SH3BP4: variants seen among roughly 807,000 people sequenced by gnomAD.
SH3BP4 encodes the protein SH3 domain binding protein 4.
A neutral mutation model predicts 65.5 loss-of-function variants in SH3BP4; 33 were observed. The observed-to-expected ratio is 0.50, with a 90% CI of 0.38 to 0.67. The LOEUF is 0.67. Ranked by LOEUF, SH3BP4 falls within the 30% of genes least tolerant of loss-of-function variation. The pLI is 0.00. For synonymous variants in SH3BP4, 552 were observed against 545.5 expected, an observed-to-expected ratio of 1.01 and a Z score of -0.17; for missense variants, 1,134 against 1,261.4, an observed-to-expected ratio of 0.90 and a Z score of 1.53.
Position 235,045,604 on chromosome 2 carries a change from A to G in SH3BP4, c.2478+2357A>G, listed in dbSNP as rs573395721. The stretch of plus-strand genomic sequence containing the variant: ...GGTGATAAAGTGAAACTGGTTTTGC[A>G]GTGTCCCCACCCGCCCCCCACACCT... On this transcript the variant is annotated intron_variant, in intron 4 of 5. Transcript: ENST00000392011. The surrounding 1 kb of genome is among the most constrained non-coding windows in gnomAD (Gnocchi z 4.3). 5.3e-5 allele frequency among the ~76,000 whole-genome samples: 8 copies of G among 152,164 alleles called. No individual in the cohort carries two copies. The highest frequency in any genetic ancestry group is 2.1e-4 in the South Asian group (1 of 4,808).
At chr2:235,038,376 CATATATATATATATATATATAT>C (rs1177080438) in intron 3 of SH3BP4, among the ~76,000 whole-genome samples, 1 of 12,362 alleles carries the variant, frequency 8.1e-5, no homozygotes, top group Non-Finnish European at 1.5e-4. Flanking sequence ...AATATATATA[CATATATATATATATATATATAT>C]ATATATATAT....
Position 235,042,966 on chromosome 2 carries a change from C to T in SH3BP4, c.2197C>T (p.Pro733Ser), listed in dbSNP as rs1428763253. 16 of 1,612,894 alleles carry T rather than the reference C, an allele frequency of 9.9e-6. No homozygotes were observed. The highest frequency in any genetic ancestry group is 1.3e-5 in the African/African-American group (1 of 75,036). The change falls in exon 4 of 6, where the codon CCC becomes TCC. Residue 733 changes from proline to serine, a missense_variant. Coordinates refer to ENST00000392011, the MANE Select transcript of SH3BP4 (RefSeq NM_014521.3). This position sits in a 1 kb window ranked among gnomAD's most constrained non-coding sequence, Gnocchi z 7.3. The stretch of plus-strand genomic sequence containing the variant: ...GGCCCGGCCCAGCCTGTGCTCGGGC[C>T]CCGAGCTGAGCACCTCGGTGCTGCT... Reference protein sequence around the residue: ...GRARPSLCSGPELSTSVLLEQ... With the variant: ...GRARPSLCSGSELSTSVLLEQ...
At chr2:235,048,917 T>C (rs867193455) in intron 4 of SH3BP4, among the ~76,000 whole-genome samples, 16 of 152,182 alleles carry the variant, frequency 1.1e-4, no homozygotes, top group Admixed American at 9.8e-4. Flanking sequence ...TGTGTGCCCA[T>C]AAAAAGAGGA....
intron 1 of SH3BP4, among the ~76,000 whole-genome samples, chr2:234,955,447 C>T (rs186216006): frequency 3.3e-5 from 5 of 152,218 alleles, no homozygotes; most frequent in Non-Finnish European, 5.9e-5. Context: ...TCCAGGAAGC[C>T]GAAACCAGCT....
chr2:234,960,998 G>T (rs1044996078), intron 1 of SH3BP4, among the ~76,000 whole-genome samples: 3 of 152,190 alleles, frequency 2.0e-5, no homozygotes, highest in African/African-American at 7.2e-5. Context: ...ATGGCTCTTT[G>T]TTGGGACCTG....
intron 1 of SH3BP4, among the ~76,000 whole-genome samples, chr2:234,970,799 T>C (rs1216045666): frequency 2.6e-5 from 4 of 152,146 alleles, no homozygotes; most frequent in Non-Finnish European, 1.5e-5. Flanking sequence ...GCGCTGGGGA[T>C]CAGGATCACT....
chr2:235,014,487 C>A (rs1694625389), intron 2 of SH3BP4, among the ~76,000 whole-genome samples: 1 of 152,170 alleles, frequency 6.6e-6, no homozygotes, highest in Non-Finnish European at 1.5e-5. Flanking sequence ...TGTTTGTTTC[C>A]TGGGGCCACC....
intron 2 of SH3BP4, among the ~76,000 whole-genome samples, chr2:235,002,533 C>T (rs774262013): frequency 2.6e-5 from 4 of 152,124 alleles, no homozygotes; most frequent in Non-Finnish European, 5.9e-5. Flanking sequence ...CAAGTCCAGC[C>T]TGGGCAACAT....
In SH3BP4 at chr2:235,032,279, C is replaced by T. The variant is rs561838727; in HGVS notation, c.-132-2592C>T. 7.9e-5 allele frequency among the ~76,000 whole-genome samples: 12 copies of T among 152,306 alleles called. No homozygotes were observed. The South Asian group carries it at 1.0e-3, about 13-fold the overall frequency. ...ACACCCCCTGATTTTTCCTCCTCCT[C>T]GGGTGCAGTCAGATGGAGACTCTCA... On this transcript the variant is annotated intron_variant, in intron 2 of 5. Transcript: ENST00000392011.
rs1313676908 is a variant in SH3BP4 at position 235,035,142 on chromosome 2, CTG to C, written c.118+25_118+26del. 6.4e-7 allele frequency: 1 copy of C among 1,558,342 alleles called. No individual in the cohort carries two copies. The highest frequency in any genetic ancestry group is 1.7e-5 in the Admixed American group (1 of 59,884). On this transcript the variant is annotated intron_variant, in intron 3 of 5. Transcript: ENST00000392011. The surrounding 1 kb of genome is among the most constrained non-coding windows in gnomAD (Gnocchi z 5.0). ...AAAGGTGAGCTTCTGGGGAACAGGA[CTG>C]TGGCTAAGGGAGAACGTTGGGATTT... is the stretch of plus-strand genomic sequence containing the variant.
intron 2 of SH3BP4, among the ~76,000 whole-genome samples, chr2:235,018,851 A>T (rs1694765540): frequency 6.6e-6 from 1 of 152,222 alleles, no homozygotes; most frequent in African/African-American, 2.4e-5. Context: ...AGACCTAAAG[A>T]CAAAGCTGAT....
chr2:234,960,114 C>T (rs1692673050), intron 1 of SH3BP4, among the ~76,000 whole-genome samples: 1 of 152,166 alleles, frequency 6.6e-6, no homozygotes, highest in Non-Finnish European at 1.5e-5. Context: ...AATAAGGGTA[C>T]GGTATTCAGA....
chr2:235,011,392 T>C (rs967802742), intron 2 of SH3BP4, among the ~76,000 whole-genome samples: 8 of 152,252 alleles, frequency 5.3e-5, no homozygotes, highest in Non-Finnish European at 1.0e-4. Context: ...ACACCAGTGA[T>C]TGGAGTTAGA....
chr2:235,005,906 C>A (rs969381668), intron 2 of SH3BP4, among the ~76,000 whole-genome samples: 5 of 152,226 alleles, frequency 3.3e-5, no homozygotes, highest in Non-Finnish European at 7.3e-5. Context: ...CACAGCCAAG[C>A]ACTCTTAGCT....
At chr2:234,980,977 C>T (rs530437732) in intron 1 of SH3BP4, among the ~76,000 whole-genome samples, 3 of 152,264 alleles carry the variant, frequency 2.0e-5, no homozygotes, top group South Asian at 2.1e-4. Flanking sequence ...CTGCAACCTC[C>T]GCCTCCTGGG....
intron 2 of SH3BP4, among the ~76,000 whole-genome samples, chr2:235,012,681 C>T (rs913820471): frequency 2.6e-5 from 4 of 152,242 alleles, no homozygotes; most frequent in Non-Finnish European, 4.4e-5. Flanking sequence ...TATCACCCAC[C>T]TTACTCCTCG....
chr2:235,001,407 A>G (rs1233264254), intron 2 of SH3BP4, among the ~76,000 whole-genome samples: 1 of 152,198 alleles, frequency 6.6e-6, no homozygotes, highest in Admixed American at 6.5e-5. Context: ...GCACTTGGAG[A>G]TAAGATAAGC....
Position 235,052,213 on chromosome 2 carries a change from CTCT to C in SH3BP4, c.2479-344_2479-342del, listed in dbSNP as rs1696078522. On this transcript the variant is annotated intron_variant, in intron 4 of 5. Transcript: ENST00000392011. This position sits in a 1 kb window ranked among gnomAD's most constrained non-coding sequence, Gnocchi z 5.0. Reference sequence around the variant, plus strand: ...TTCTCTCTGCCTCTCTGTCTGCTTTCTCTTCTTATGAAGACGCCAGTCCTTGGT... The same window carrying C: ...TTCTCTCTGCCTCTCTGTCTGCTTTCTCTTATGAAGACGCCAGTCCTTGGT... Among the ~76,000 whole-genome samples, 1 of 152,208 alleles carries C rather than the reference CTCT, an allele frequency of 6.6e-6. No homozygotes were observed. Among genetic ancestry groups the C allele is most frequent in the East Asian group, 1.9e-4 (1 of 5,182 alleles).
chr2:234,988,339 G>T (rs377414877), intron 1 of SH3BP4, among the ~76,000 whole-genome samples: 1 of 152,160 alleles, frequency 6.6e-6, no homozygotes, highest in Non-Finnish European at 1.5e-5. Context: ...GATTACAGGC[G>T]TGAGCCACCA....
Sources: allele counts gnomAD v4.1 joint callset (sites outside exome capture counted in the v4.1 genomes callset), GRCh38; gene constraint gnomAD v4.1.1; non-coding constraint Gnocchi (gnomAD v3.1); transcripts MANE v1.5; gene names NCBI Gene and HGNC (gene_info 2026-07-23, HGNC 2026-07-21).